Variants in FAM47E observed in about 807,000 individuals in gnomAD.
FAM47E encodes the protein family with sequence similarity 47 member E.
In FAM47E, 32 loss-of-function variants were observed where a neutral mutation model predicts 41.6. That is an observed-to-expected ratio of 0.77 (90% CI 0.58 to 1.03). The LOEUF is 1.03. Ranked by LOEUF, FAM47E falls within the 50% of genes least tolerant of loss-of-function variation. The probability of loss-of-function intolerance (pLI) is 0.00; values close to 1 mark genes in which losing one functional copy is unlikely to be tolerated. For missense variants in FAM47E, 424 were observed against 485.4 expected, an observed-to-expected ratio of 0.87 and a Z score of 1.19; for synonymous variants, 184 against 188.7, an observed-to-expected ratio of 0.98 and a Z score of 0.20.
At chr4:76,229,819 G>A (rs1247732556) in intron 2 of FAM47E, among the ~76,000 whole-genome samples, 1 of 152,244 alleles carries the variant, frequency 6.6e-6, no homozygotes, top group East Asian at 1.9e-4. Context: ...TGCTGGTTAT[G>A]CTAGCAGTGA....
At chr4:76,269,800 A>AC (rs397780282) in intron 4 of FAM47E, among the ~76,000 whole-genome samples, 2 of 150,640 alleles carry the variant, frequency 1.3e-5, no homozygotes, top group Non-Finnish European at 3.0e-5. Flanking sequence ...AAAAAAAAAA[A>AC]TCTGACATAA....
intron 5 of FAM47E, among the ~76,000 whole-genome samples, chr4:76,274,409 C>CAA (rs35889193): frequency 1.1e-4 from 17 of 151,334 alleles, no homozygotes; most frequent in South Asian, 4.2e-4. Flanking sequence ...CCAGTCTCTA[C>CAA]AAAAAAAAAT....
intron 5 of FAM47E, among the ~76,000 whole-genome samples, chr4:76,273,311 C>T (rs1215110565): frequency 2.6e-5 from 4 of 152,158 alleles, no homozygotes; most frequent in East Asian, 1.9e-4. Context: ...CCATTTAATA[C>T]TTCAGACCGT....
At chr4:76,239,178 T>C (rs897384009) in intron 2 of FAM47E, among the ~76,000 whole-genome samples, 14 of 152,208 alleles carry the variant, frequency 9.2e-5, no homozygotes, top group African/African-American at 3.4e-4. Context: ...TTAACTACTG[T>C]GAATAATGCT....
intron 2 of FAM47E, among the ~76,000 whole-genome samples, chr4:76,260,995 A>G (rs1433177036): frequency 6.6e-6 from 1 of 152,066 alleles, no homozygotes; most frequent in Non-Finnish European, 1.5e-5. Flanking sequence ...AAAAAAAAAA[A>G]AGTGTACAAA....
chr4:76,238,327 C>T (rs1733631203), intron 2 of FAM47E, among the ~76,000 whole-genome samples: 1 of 152,172 alleles, frequency 6.6e-6, no homozygotes, highest in Admixed American at 6.5e-5. Flanking sequence ...ACCTCCGCTT[C>T]CCTGTTGAAT....
intron 2 of FAM47E, among the ~76,000 whole-genome samples, chr4:76,231,010 C>G (rs576708884): frequency 4.6e-5 from 7 of 152,168 alleles, no homozygotes; most frequent in South Asian, 2.1e-4. Context: ...GGGCTTTGAC[C>G]CAAAGCTTGG....
At chr4:76,240,283 T>A (rs886911804) in intron 2 of FAM47E, among the ~76,000 whole-genome samples, 1 of 152,226 alleles carries the variant, frequency 6.6e-6, no homozygotes, top group African/African-American at 2.4e-5. Flanking sequence ...TATTGAGGAT[T>A]CCTTATATGT....
intron 1 of FAM47E, among the ~76,000 whole-genome samples, chr4:76,216,093 T>G (rs1733201799): frequency 1.3e-5 from 2 of 152,176 alleles, no homozygotes; most frequent in South Asian, 4.1e-4. Context: ...CCCAGCCTGA[T>G]GGGTGGGTGG....
intron 7 of FAM47E, chr4:76,281,321 G>A (rs2110030701): frequency 1.3e-5 from 2 of 152,286 alleles, no homozygotes; most frequent in East Asian, 3.9e-4. Context: ...CAAGTCTAGA[G>A]CATGAGATGG....
rs1366608820 is a variant in FAM47E at position 76,271,566 on chromosome 4, A to G, written c.670-2A>G. The G allele has an allele frequency of 1.3e-6, 2 of 1,551,994 alleles. No homozygotes were observed. The highest frequency in any genetic ancestry group is 2.7e-5 in the African/African-American group (2 of 73,190). On this transcript the variant is annotated splice_acceptor_variant, in intron 4 of 7. Transcript: ENST00000424749. LOFTEE classifies it high-confidence loss of function. The stretch of plus-strand genomic sequence containing the variant: ...AATTCATGCAATGTGATATTCTTCC[A>G]GGGAATTTCGGACATCGATGAAGAG...
chr4:76,278,541 C>T (rs1735221966), intron 6 of FAM47E: 3 of 372,136 alleles, frequency 8.1e-6, no homozygotes, highest in African/African-American at 6.2e-5. Flanking sequence ...GTACGACCAC[C>T]TCAGTGCCCA....
At chr4:76,269,129 C>T in intron 4 of FAM47E, 1 of 219,134 alleles carries the variant, frequency 4.6e-6, no homozygotes. Context: ...TTAGATTTAC[C>T]TAGAAGTACT....
intron 7 of FAM47E, chr4:76,281,791 C>T (rs1027530961): frequency 1.5e-4 from 23 of 152,222 alleles, no homozygotes; most frequent in Middle Eastern, 3.4e-3. Flanking sequence ...GCCAGCAGCC[C>T]GCAATGCAAC....
chr4:76,264,946 C>T lies in FAM47E; in HGVS notation c.560+1103C>T, dbSNP rs576676023. Reference sequence around the variant, plus strand: ...CCTCACTGATGGGTGCTGAAGAGTACGGTGAACTAGAGAGTAGCCTATCCA... The same window carrying T: ...CCTCACTGATGGGTGCTGAAGAGTATGGTGAACTAGAGAGTAGCCTATCCA... On this transcript the variant is annotated intron_variant, in intron 3 of 7. Transcript: ENST00000424749. Among the ~76,000 whole-genome samples the T allele has an allele frequency of 3.5e-4, 54 of 152,226 alleles. 1 individual carries two copies. Among genetic ancestry groups the T allele is most frequent in the African/African-American group, 1.3e-3 (52 of 41,542 alleles).
chr4:76,221,444 G>T (rs1428187983), intron 2 of FAM47E, among the ~76,000 whole-genome samples: 1 of 152,030 alleles, frequency 6.6e-6, no homozygotes, highest in Non-Finnish European at 1.5e-5. Flanking sequence ...TCAGCCTCCC[G>T]AGTAGCTGGG....
intron 7 of FAM47E, 195 bp downstream of exon 7, chr4:76,280,536 A>C: frequency 2.1e-6 from 1 of 477,308 alleles, no homozygotes; most frequent in Non-Finnish European, 3.7e-6. Context: ...TGCCCTTTTT[A>C]TTCTGCCTAT....
Position 76,251,722 on chromosome 4 carries a change from C to T in FAM47E, c.-25C>T, listed in dbSNP as rs950244955. The T allele has an allele frequency of 6.8e-7, 1 of 1,468,084 alleles. No individual in the cohort carries two copies. Among genetic ancestry groups the T allele is most frequent in the East Asian group, 2.8e-5 (1 of 35,534 alleles). The allele number at this position is 1,468,084 out of a possible 1,614,324, so 90.9% of individuals were successfully genotyped here. On this transcript the variant is annotated 5_prime_UTR_variant, in exon 1 of 8. It adds an upstream start codon to the 5' untranslated region. Coordinates refer to ENST00000424749, the MANE Select transcript of FAM47E (RefSeq NM_001136570.3). ...GGCACACACACCGCCCAAGCCCGGA[C>T]GGTGGCCGCGAAGCTAGGGCCACCA... is the stretch of plus-strand genomic sequence containing the variant.
At chr4:76,256,603 A>C in intron 2 of FAM47E, 80 bp downstream of exon 2, 1 of 1,424,344 alleles carries the variant, frequency 7.0e-7, no homozygotes, top group Non-Finnish European at 9.3e-7. Context: ...GGAAGTCCCC[A>C]TGAGAGGGTG....
Sources: gnomAD v4.1 joint callset for allele counts (sites outside exome capture counted in the v4.1 genomes callset) on GRCh38, gnomAD v4.1.1 for gene constraint, MANE v1.5 for transcripts, NCBI Gene and HGNC (gene_info 2026-07-23, HGNC 2026-07-21) for gene names.